Variants in ST7 observed in about 807,000 individuals in gnomAD.
ST7 encodes the protein suppression of tumorigenicity 7.
ST7 carries 28 observed loss-of-function variants against 78.7 expected under a neutral mutation model. The observed-to-expected ratio is 0.36, with a 90% CI of 0.26 to 0.49. The LOEUF (loss-of-function observed/expected upper bound fraction) is 0.49. Among genes scored for constraint, ST7 ranks in the 20% least tolerant of loss-of-function variants. The pLI, the probability that ST7 is intolerant of heterozygous loss-of-function variation, is 0.99. For synonymous variants in ST7, 247 were observed against 249.6 expected (o/e 0.99, Z 0.10); for missense variants, 418 against 696.0 (o/e 0.60, Z 4.49).
chr7:117,163,529 A>G (rs1025153013), intron 9 of ST7, among the ~76,000 whole-genome samples: 1 of 152,068 alleles, frequency 6.6e-6, no homozygotes, highest in Non-Finnish European at 1.5e-5. Context: ...TTTCATTTGC[A>G]TTTCTCTGAT....
intron 9 of ST7, among the ~76,000 whole-genome samples, chr7:117,154,641 G>A (rs1321233532): frequency 6.6e-6 from 1 of 152,192 alleles, no homozygotes; most frequent in Non-Finnish European, 1.5e-5. Context: ...CAGGAAAGAA[G>A]TCAGCAGAGA....
chr7:117,061,651 A>G (rs1370396555), intron 1 of ST7, among the ~76,000 whole-genome samples: 1 of 152,190 alleles, frequency 6.6e-6, no homozygotes, highest in Non-Finnish European at 1.5e-5. Context: ...AAATTGAATT[A>G]GTAATTAAAG....
At chr7:117,080,338 A>T (rs1031986932) in intron 1 of ST7, among the ~76,000 whole-genome samples, 1 of 152,036 alleles carries the variant, frequency 6.6e-6, no homozygotes, top group African/African-American at 2.4e-5. Flanking sequence ...GTCAAACTAC[A>T]CACACTTATA....
chr7:117,216,751 G>T (rs1453929048), intron 13 of ST7, among the ~76,000 whole-genome samples: 1 of 152,062 alleles, frequency 6.6e-6, no homozygotes, highest in African/African-American at 2.4e-5. Flanking sequence ...TTTGTTTAGT[G>T]AAGCCAAAAG....
At chr7:116,962,930 G>C (rs1320777550) in intron 1 of ST7, among the ~76,000 whole-genome samples, 1 of 152,194 alleles carries the variant, frequency 6.6e-6, no homozygotes, top group South Asian at 2.1e-4. Flanking sequence ...CTTACAGCTT[G>C]ATGATAGACT....
At chr7:117,210,060 C>A in intron 13 of ST7, 123 bp downstream of exon 13, 2 of 1,160,716 alleles carry the variant, frequency 1.7e-6, no homozygotes, top group Non-Finnish European at 2.4e-6. Flanking sequence ...CTGTGATGGC[C>A]CATCTAAGCC....
intron 1 of ST7, chr7:117,080,923 C>T (rs549162685): frequency 2.6e-5 from 4 of 151,978 alleles, no homozygotes; most frequent in African/African-American, 9.6e-5. Flanking sequence ...TATATCACAC[C>T]AAAATCCAAA....
At chr7:117,047,985 G>A (rs537269958) in intron 1 of ST7, among the ~76,000 whole-genome samples, 2 of 152,244 alleles carry the variant, frequency 1.3e-5, no homozygotes, top group East Asian at 3.9e-4. Context: ...TACTTGACTG[G>A]AAGCCCTACT....
chr7:117,127,191 A>G (rs1293698583), intron 3 of ST7, among the ~76,000 whole-genome samples: 4 of 151,924 alleles, frequency 2.6e-5, no homozygotes, highest in African/African-American at 7.2e-5. Context: ...GATTTGAAAT[A>G]AGGAATTTAT....
chr7:117,222,211 T>C (rs1194516866), intron 15 of ST7, 149 bp downstream of exon 15: 1 of 906,894 alleles, frequency 1.1e-6, no homozygotes, highest in Non-Finnish European at 1.5e-6. Context: ...TGATCGTCAA[T>C]GGAATCAAAG....
At chr7:117,051,425 C>CA (rs948504584) in intron 1 of ST7, among the ~76,000 whole-genome samples, 3 of 152,174 alleles carry the variant, frequency 2.0e-5, no homozygotes, top group Non-Finnish European at 2.9e-5. Context: ...TCAGCATGTG[C>CA]AGAAGCCCTG....
chr7:117,184,167 A>T (rs921497212), intron 10 of ST7: 2 of 152,282 alleles, frequency 1.3e-5, no homozygotes, highest in African/African-American at 4.8e-5. Context: ...GAGGTGGAAG[A>T]AAAATTAATG....
intron 1 of ST7, among the ~76,000 whole-genome samples, chr7:116,991,196 C>G (rs140424729): frequency 0.01 from 1,557 of 152,232 alleles, 25 homozygotes; most frequent in African/African-American, 0.035. Context: ...TTTGAAAAAG[C>G]CTGAAAGGTT....
intron 6 of ST7, 152 bp downstream of exon 6, chr7:117,132,112 A>T (rs936816500): frequency 4.4e-6 from 3 of 675,768 alleles, no homozygotes; most frequent in South Asian, 2.2e-5. Context: ...TTTTTTTTTT[A>T]AATGAAGGAC....
intron 12 of ST7, chr7:117,198,265 T>C (rs1427164450): frequency 2.2e-6 from 1 of 452,922 alleles, no homozygotes; most frequent in African/African-American, 2.0e-5. Context: ...CAGTACATGT[T>C]GGCCCCTTCG....
intron 1 of ST7, among the ~76,000 whole-genome samples, chr7:116,990,125 A>G (rs574794664): frequency 1.3e-5 from 2 of 152,108 alleles, no homozygotes; most frequent in South Asian, 2.1e-4. Context: ...TTTAGTAGAG[A>G]TGGGGTTTCA....
At chr7:117,156,123 A>G (rs1806670716) in intron 9 of ST7, among the ~76,000 whole-genome samples, 2 of 152,148 alleles carry the variant, frequency 1.3e-5, no homozygotes, top group Admixed American at 1.3e-4. Flanking sequence ...ATGATCTGAC[A>G]GTCTATGGAT....
At chr7:117,135,064 G>A (rs1804675290) in intron 7 of ST7, among the ~76,000 whole-genome samples, 1 of 152,028 alleles carries the variant, frequency 6.6e-6, no homozygotes. Context: ...TGGTCTGATG[G>A]AAATAAGTAG....
chr7:117,099,074 A>AAAAAAAAAAAAG (rs1563080274), intron 1 of ST7, among the ~76,000 whole-genome samples: 1 of 149,402 alleles, frequency 6.7e-6, no homozygotes, highest in African/African-American at 2.5e-5. Flanking sequence ...AACAAAAAAA[A>AAAAAAAAAAAAG]AAGAAGAAGA....
Sources: allele counts gnomAD v4.1 joint callset (sites outside exome capture counted in the v4.1 genomes callset), GRCh38; gene constraint gnomAD v4.1.1; transcripts MANE v1.5; gene names NCBI Gene and HGNC (gene_info 2026-07-23, HGNC 2026-07-21).